The following NBAS variants were observed in gnomAD, a reference collection of about 807,000 sequenced individuals.
NBAS encodes the protein NAG/BC035112 fusion.
A neutral mutation model predicts 302.5 loss-of-function variants in NBAS; 219 were observed. The ratio of observed to expected loss-of-function variants is 0.72; its 90% CI spans 0.65 to 0.81. The LOEUF is 0.81. Ranked by LOEUF, NBAS falls within the 30% of genes least tolerant of loss-of-function variation. The pLI is 0.00. For missense variants in NBAS, 2,932 were observed against 2,841.6 expected (o/e 1.03, Z -0.72); for synonymous variants, 1,118 against 1,021.6 (o/e 1.09, Z -1.80).
At chr2:14,813,923 G>C in the NBAS span, among the ~76,000 whole-genome samples, 764 of 152,338 alleles carry the variant, frequency 5.0e-3, 2 homozygotes, top group Non-Finnish European at 7.7e-3. Context: ...TGGCCCCACT[G>C]TTCGAAGCAG....
chr2:15,134,733 A>G, the NBAS span, among the ~76,000 whole-genome samples: 1 of 152,174 alleles, frequency 6.6e-6, no homozygotes, highest in Non-Finnish European at 1.5e-5. Flanking sequence ...TACTTAAATC[A>G]TTTGCTTCCT....
Position 15,494,079 on chromosome 2 carries a change from C to G in NBAS, c.955-5057G>C, listed in dbSNP as rs1680974710. Among the ~76,000 whole-genome samples the G allele has an allele frequency of 2.0e-5, 3 of 152,176 alleles. No individual in the cohort carries two copies. In the South Asian group the frequency reaches 6.2e-4, roughly 31 times the overall value. On this transcript the variant is annotated intron_variant, in intron 11 of 51. Coordinates refer to ENST00000281513, the MANE Select transcript of NBAS (RefSeq NM_015909.4). ...CCTCAGGTGAACTGCCTACTTAGGC[C>G]TCCCAAAATGCTGGGATTACAGGCA...
the NBAS span, among the ~76,000 whole-genome samples, chr2:14,909,128 C>G: frequency 5.9e-5 from 9 of 151,808 alleles, no homozygotes; most frequent in African/African-American, 2.2e-4. Context: ...GTCAGGAGAT[C>G]GAGACCACGG....
downstream of NBAS, among the ~76,000 whole-genome samples, chr2:15,164,587 A>AT (rs150094054): frequency 0.024 from 3,702 of 152,240 alleles, 116 homozygotes; most frequent in African/African-American, 0.065. Context: ...AAGCTATAGA[A>AT]TCTGAGTGTG....
At chr2:14,838,877 G>T in the NBAS span, among the ~76,000 whole-genome samples, 1 of 151,950 alleles carries the variant, frequency 6.6e-6, no homozygotes, top group African/African-American at 2.4e-5. Flanking sequence ...CAACTAGGAA[G>T]GTATCTTAAA....
intron 21 of NBAS, among the ~76,000 whole-genome samples, chr2:15,442,881 G>T (rs1452374067): frequency 9.2e-5 from 14 of 152,010 alleles, no homozygotes; most frequent in Admixed American, 9.2e-4. Context: ...ACACCTCTAT[G>T]CAAATAAACT....
At chr2:14,804,903 T>G in the NBAS span, among the ~76,000 whole-genome samples, 4 of 152,348 alleles carry the variant, frequency 2.6e-5, no homozygotes, top group African/African-American at 9.6e-5. Context: ...ATTATCAGCA[T>G]CCTTGTTTCC....
chr2:15,522,759 G>A (rs1662733472), intron 9 of NBAS, among the ~76,000 whole-genome samples: 1 of 152,206 alleles, frequency 6.6e-6, no homozygotes, highest in African/African-American at 2.4e-5. Context: ...CCCCAAGCAG[G>A]CTAAATCCAC....
At chr2:15,528,638 C>T (rs955854014) in intron 9 of NBAS, among the ~76,000 whole-genome samples, 1 of 149,104 alleles carries the variant, frequency 6.7e-6, no homozygotes, top group Admixed American at 6.7e-5. Flanking sequence ...GAGGCTGAGG[C>T]GGGAGGATGA....
At chr2:14,919,904 T>C in the NBAS span, among the ~76,000 whole-genome samples, 13,299 of 152,246 alleles carry the variant, frequency 0.087, 656 homozygotes, top group African/African-American at 0.11. Flanking sequence ...TTCATGAGGG[T>C]TGGAATCAAC....
intron 28 of NBAS, 95 bp from the exon 29 acceptor site, chr2:15,383,412 T>C: frequency 1.0e-6 from 1 of 990,876 alleles, no homozygotes; most frequent in Non-Finnish European, 1.6e-6. Flanking sequence ...CAAAAACTGG[T>C]ACCACCACTC....
the NBAS span, among the ~76,000 whole-genome samples, chr2:14,889,948 A>G: frequency 6.6e-6 from 1 of 152,234 alleles, no homozygotes; most frequent in African/African-American, 2.4e-5. Context: ...ATGGCAACCT[A>G]ATATGTGCAT....
At chr2:15,434,453 G>A (rs527902108) in intron 21 of NBAS, among the ~76,000 whole-genome samples, 1 of 152,252 alleles carries the variant, frequency 6.6e-6, no homozygotes, top group Admixed American at 6.5e-5. Context: ...AGGAAAGAAA[G>A]GAATCCTCAA....
chr2:15,145,051 T>C, the NBAS span, among the ~76,000 whole-genome samples: 1 of 152,076 alleles, frequency 6.6e-6, no homozygotes, highest in Non-Finnish European at 1.5e-5. Flanking sequence ...AGTGGGCTAA[T>C]GAAGACGGCC....
the NBAS span, among the ~76,000 whole-genome samples, chr2:15,143,137 T>G: frequency 6.6e-6 from 1 of 152,246 alleles, no homozygotes; most frequent in Non-Finnish European, 1.5e-5. Context: ...TGTTATCATT[T>G]ACCCCTTTTT....
At chr2:15,364,613 G>T (rs901872042) in intron 32 of NBAS, among the ~76,000 whole-genome samples, 15 of 152,108 alleles carry the variant, frequency 9.9e-5, no homozygotes, top group Admixed American at 2.0e-4. Context: ...CAACAAGAAG[G>T]AAGTCTGGGT....
chr2:14,987,512 G>T, the NBAS span, among the ~76,000 whole-genome samples: 1 of 151,656 alleles, frequency 6.6e-6, no homozygotes, highest in East Asian at 1.9e-4. Flanking sequence ...AGACTATAGG[G>T]TTGGAAGGTA....
chr2:14,840,630 A>C, the NBAS span, among the ~76,000 whole-genome samples: 6 of 152,030 alleles, frequency 3.9e-5, no homozygotes, highest in African/African-American at 1.4e-4. Flanking sequence ...TAATGTTTTC[A>C]AAGTGCCAAA....
the NBAS span, among the ~76,000 whole-genome samples, chr2:14,915,175 T>C: frequency 1.3e-5 from 2 of 152,234 alleles, no homozygotes; most frequent in Admixed American, 6.5e-5. Flanking sequence ...TGACTTCTTT[T>C]CTGCTTTTTT....
Sources: allele counts gnomAD v4.1 joint callset (sites outside exome capture counted in the v4.1 genomes callset), GRCh38; gene constraint gnomAD v4.1.1; transcripts MANE v1.5; gene names NCBI Gene and HGNC (gene_info 2026-07-23, HGNC 2026-07-21).